The following CNTNAP5 variants were observed in gnomAD, a reference collection of about 807,000 sequenced individuals.
CNTNAP5 encodes the protein contactin-associated protein-like 5.
In CNTNAP5, 72 loss-of-function variants were observed where a neutral mutation model predicts 150.2. That is an observed-to-expected ratio of 0.48 (90% CI 0.40 to 0.58). CNTNAP5 has a LOEUF of 0.58. CNTNAP5 is among the 20% of genes least tolerant of loss of function. The pLI is 0.00. For synonymous variants in CNTNAP5, 672 were observed against 619.8 expected (o/e 1.08, Z -1.25); for missense variants, 1,636 against 1,626.2 (o/e 1.01, Z -0.10).
At chr2:124,242,962 T>C (rs1243625807) in intron 3 of CNTNAP5, among the ~76,000 whole-genome samples, 2 of 152,204 alleles carry the variant, frequency 1.3e-5, no homozygotes, top group East Asian at 1.9e-4. Context: ...AGAATTATTC[T>C]GTCATTGGAA....
At chr2:124,868,389 G>A (rs1387301368) in intron 20 of CNTNAP5, among the ~76,000 whole-genome samples, 1 of 152,010 alleles carries the variant, frequency 6.6e-6, no homozygotes, top group East Asian at 1.9e-4. Flanking sequence ...TGGCCTCTTT[G>A]CTATTTGCAG....
intron 1 of CNTNAP5, among the ~76,000 whole-genome samples, chr2:124,161,919 T>C (rs1210644991): frequency 6.6e-6 from 1 of 152,160 alleles, no homozygotes; most frequent in Non-Finnish European, 1.5e-5. Context: ...TCAATGATAT[T>C]TGAGACATAT....
intron 21 of CNTNAP5, among the ~76,000 whole-genome samples, chr2:124,898,339 G>T (rs981532556): frequency 2.0e-5 from 3 of 151,276 alleles, no homozygotes; most frequent in Non-Finnish European, 4.4e-5. Flanking sequence ...GCGAATTTCT[G>T]ATCTTTTCGT....
chr2:124,840,151 G>T (rs767559458), intron 19 of CNTNAP5, among the ~76,000 whole-genome samples: 5 of 152,102 alleles, frequency 3.3e-5, no homozygotes, highest in Admixed American at 6.6e-5. Flanking sequence ...GATTCCTGGA[G>T]AGATGACTGA....
intron 13 of CNTNAP5, among the ~76,000 whole-genome samples, chr2:124,709,089 T>G: frequency 6.6e-6 from 1 of 152,106 alleles, no homozygotes; most frequent in East Asian, 1.9e-4. Context: ...TCCATATTTT[T>G]TCCTGCCTCG....
intron 1 of CNTNAP5, among the ~76,000 whole-genome samples, chr2:124,040,621 CTGTGTGTG>C (rs58364625): frequency 3.4e-5 from 5 of 145,040 alleles, no homozygotes; most frequent in Admixed American, 6.9e-5. Flanking sequence ...CTGTATGCCT[CTGTGTGTG>C]TGTGTGTGTG....
intron 3 of CNTNAP5, among the ~76,000 whole-genome samples, chr2:124,253,402 C>T (rs1687234217): frequency 6.6e-6 from 1 of 152,092 alleles, no homozygotes; most frequent in African/African-American, 2.4e-5. Context: ...TTCTTCTTAT[C>T]TATAAATTTT....
chr2:124,243,896 T>A (rs1686948845), intron 3 of CNTNAP5, among the ~76,000 whole-genome samples: 1 of 152,188 alleles, frequency 6.6e-6, no homozygotes, highest in Non-Finnish European at 1.5e-5. Context: ...TATTACAGGT[T>A]TTCATTTTGT....
At chr2:124,661,067 T>C (rs1481445857) in intron 13 of CNTNAP5, among the ~76,000 whole-genome samples, 3 of 152,024 alleles carry the variant, frequency 2.0e-5, no homozygotes, top group African/African-American at 7.2e-5. Context: ...GGGAATGATG[T>C]GTGAATGTGA....
At chr2:124,524,567 AACAC>A in intron 9 of CNTNAP5, 115 bp downstream of exon 9, 1 of 946,904 alleles carries the variant, frequency 1.1e-6, no homozygotes, top group Non-Finnish European at 1.6e-6. Flanking sequence ...CCAACACACA[AACAC>A]ACACACACAT....
intron 1 of CNTNAP5, among the ~76,000 whole-genome samples, chr2:124,155,884 A>C (rs1411625075): frequency 2.6e-5 from 4 of 152,188 alleles, no homozygotes; most frequent in Non-Finnish European, 5.9e-5. Context: ...TACCTTAATG[A>C]CCAAGTCTAT....
intron 3 of CNTNAP5, among the ~76,000 whole-genome samples, chr2:124,309,374 A>G (rs1384846385): frequency 1.3e-5 from 2 of 152,222 alleles, no homozygotes; most frequent in African/African-American, 4.8e-5. Context: ...GATATTCAGT[A>G]AAGGAGAATA....
At chr2:124,196,056 G>T (rs923669860) in intron 1 of CNTNAP5, among the ~76,000 whole-genome samples, 17 of 148,530 alleles carry the variant, frequency 1.1e-4, no homozygotes, top group African/African-American at 4.2e-4. Context: ...AATGATACCA[G>T]GTAAAAAATA....
At chr2:124,140,081 C>G (rs1206048710) in intron 1 of CNTNAP5, among the ~76,000 whole-genome samples, 1 of 151,726 alleles carries the variant, frequency 6.6e-6, no homozygotes, top group African/African-American at 2.4e-5. Context: ...CTTTTCAGAC[C>G]GGCTTAAAAA....
At chr2:124,797,267 A>G (rs1681867233) in intron 18 of CNTNAP5, among the ~76,000 whole-genome samples, 1 of 152,224 alleles carries the variant, frequency 6.6e-6, no homozygotes, top group African/African-American at 2.4e-5. Flanking sequence ...CACTACACTA[A>G]CATGGTAACA....
chr2:124,847,324 A>G lies in CNTNAP5; in HGVS notation c.3218-17982A>G, dbSNP rs554169482. 2.5e-4 allele frequency among the ~76,000 whole-genome samples: 38 copies of G among 152,206 alleles called. 1 individual carries two copies. Among genetic ancestry groups the G allele is most frequent in the South Asian group, 8.3e-4 (4 of 4,822 alleles). On this transcript the variant is annotated intron_variant, in intron 19 of 23. Coordinates refer to ENST00000682447, the MANE Select transcript of CNTNAP5 (RefSeq NM_001367498.1). ...GGATGTGGGTGTGACTTCGAGTCCA[A>G]TGGAGTTATATTCCCAGGGGGATTA... is the stretch of plus-strand genomic sequence containing the variant.
chr2:124,846,586 C>T (rs1683052246), intron 19 of CNTNAP5, among the ~76,000 whole-genome samples: 1 of 152,088 alleles, frequency 6.6e-6, no homozygotes, highest in African/African-American at 2.4e-5. Context: ...CAGAGATTCC[C>T]TCTTGGTTTG....
chr2:124,127,279 A>G (rs1012885484), intron 1 of CNTNAP5, among the ~76,000 whole-genome samples: 16 of 152,210 alleles, frequency 1.1e-4, no homozygotes, highest in African/African-American at 3.4e-4. Context: ...ACAAACAGAG[A>G]GCCATATCAT....
intron 11 of CNTNAP5, among the ~76,000 whole-genome samples, chr2:124,581,895 G>A (rs1047312331): frequency 7.2e-5 from 11 of 152,154 alleles, no homozygotes; most frequent in African/African-American, 2.4e-4. Flanking sequence ...AGTGTCGATG[G>A]TACCTCAGGG....
Sources: gnomAD v4.1 joint callset for allele counts (sites outside exome capture counted in the v4.1 genomes callset) on GRCh38, gnomAD v4.1.1 for gene constraint, MANE v1.5 for transcripts, NCBI Gene and HGNC (gene_info 2026-07-23, HGNC 2026-07-21) for gene names.